TBC1D22B: variants seen among roughly 807,000 people sequenced by gnomAD.
TBC1D22B encodes chromosome 6 open reading frame 197.
TBC1D22B carries 32 observed loss-of-function variants against 69.1 expected under a neutral mutation model. That is an observed-to-expected ratio of 0.46 (90% CI 0.35 to 0.62). The LOEUF (loss-of-function observed/expected upper bound fraction) is 0.62, where lower values mean the gene tolerates loss of function less well. Ranked by LOEUF, TBC1D22B falls within the 20% of genes least tolerant of loss-of-function variation. The pLI is 0.00. For missense variants in TBC1D22B, 462 were observed against 630.9 expected (o/e 0.73, Z 2.87); for synonymous variants, 206 against 229.8 (o/e 0.90, Z 0.94).
At chr6:37,300,316 A>AT (rs958737412) in intron 8 of TBC1D22B, among the ~76,000 whole-genome samples, 3 of 151,474 alleles carry the variant, frequency 2.0e-5, no homozygotes, top group African/African-American at 4.8e-5. Context: ...CACAGCTTAG[A>AT]TTTTTTGAGT....
intron 12 of TBC1D22B, among the ~76,000 whole-genome samples, chr6:37,322,097 C>T (rs1332363090): frequency 6.6e-6 from 1 of 152,184 alleles, no homozygotes; most frequent in Non-Finnish European, 1.5e-5. Flanking sequence ...CCACCATGTA[C>T]AGTTGTGTAC....
At chr6:37,313,071 C>A in intron 9 of TBC1D22B, 47 bp downstream of exon 9, 1 of 1,441,824 alleles carries the variant, frequency 6.9e-7, no homozygotes, top group African/African-American at 1.4e-5. Flanking sequence ...GGTCCAGAGG[C>A]TCCCAGCAGG....
intron 1 of TBC1D22B, among the ~76,000 whole-genome samples, chr6:37,265,252 C>T (rs993417016): frequency 6.6e-6 from 1 of 152,210 alleles, no homozygotes; most frequent in African/African-American, 2.4e-5. Context: ...TTTTAAGATT[C>T]CTTTCCTAGA....
chr6:37,289,247 A>G (rs1767103887), intron 7 of TBC1D22B, among the ~76,000 whole-genome samples: 1 of 152,210 alleles, frequency 6.6e-6, no homozygotes, highest in Non-Finnish European at 1.5e-5. Context: ...CTGAATACGG[A>G]AAGGCTTGCT....
chr6:37,320,673 C>G (rs1768213223), intron 12 of TBC1D22B, among the ~76,000 whole-genome samples: 1 of 152,142 alleles, frequency 6.6e-6, no homozygotes, highest in African/African-American at 2.4e-5. Flanking sequence ...GACAAAAGCC[C>G]CCAGCAGGAA....
chr6:37,273,441 C>T (rs1414278692), intron 2 of TBC1D22B, among the ~76,000 whole-genome samples: 1 of 152,206 alleles, frequency 6.6e-6, no homozygotes, highest in Non-Finnish European at 1.5e-5. Context: ...TGATCAAGAT[C>T]ACCATACCTT....
intron 2 of TBC1D22B, among the ~76,000 whole-genome samples, chr6:37,273,170 C>T (rs528063651): frequency 7.4e-6 from 1 of 135,170 alleles, no homozygotes; most frequent in Admixed American, 7.9e-5. Flanking sequence ...GCAGCCGACT[C>T]GTAACCCCGA....
At chr6:37,322,748 G>A (rs572796230) in intron 12 of TBC1D22B, among the ~76,000 whole-genome samples, 2 of 152,360 alleles carry the variant, frequency 1.3e-5, no homozygotes, top group South Asian at 2.1e-4. Context: ...AACTGGTTGA[G>A]TGAGTTCTGT....
intron 12 of TBC1D22B, among the ~76,000 whole-genome samples, chr6:37,328,337 A>C (rs888327876): frequency 4.6e-5 from 7 of 152,150 alleles, no homozygotes; most frequent in African/African-American, 1.7e-4. Context: ...GATAAAAATA[A>C]AATGTTTATG....
intron 2 of TBC1D22B, among the ~76,000 whole-genome samples, chr6:37,272,182 A>G (rs1283715126): frequency 6.6e-6 from 1 of 151,894 alleles, no homozygotes; most frequent in East Asian, 1.9e-4. Context: ...CTCCCATCTC[A>G]GCCTCCTTAG....
intron 7 of TBC1D22B, among the ~76,000 whole-genome samples, chr6:37,288,112 A>G (rs1767062986): frequency 1.3e-5 from 2 of 152,206 alleles, no homozygotes; most frequent in South Asian, 2.1e-4. Context: ...AAAATGCTGA[A>G]AATAATTTCT....
At chr6:37,281,378 A>G (rs1583540414) in intron 3 of TBC1D22B, among the ~76,000 whole-genome samples, 2 of 152,048 alleles carry the variant, frequency 1.3e-5, no homozygotes, top group African/African-American at 4.8e-5. Context: ...CCCCCTACCC[A>G]CTATCTAGTG....
chr6:37,289,487 TG>T (rs1767110764), intron 7 of TBC1D22B, among the ~76,000 whole-genome samples: 1 of 152,218 alleles, frequency 6.6e-6, no homozygotes, highest in South Asian at 2.1e-4. Context: ...CATGTGAGTG[TG>T]TCTGTGTTGT....
rs551922853 is a variant in TBC1D22B at position 37,332,171 on chromosome 6, G to A, written c.*999G>A. On this transcript the variant is annotated 3_prime_UTR_variant, in exon 13 of 13. Coordinates refer to ENST00000373491, the MANE Select transcript of TBC1D22B (RefSeq NM_017772.4). ...GTTGGTTCTGGGTGTCCTGCTGTGAGGGGTAGAACGGGAGGCTGCTGAAGT... is the reference window on the plus strand; with the variant it reads ...GTTGGTTCTGGGTGTCCTGCTGTGAAGGGTAGAACGGGAGGCTGCTGAAGT... 53 of 152,684 alleles carry A rather than the reference G, an allele frequency of 3.5e-4. No homozygotes were observed. Among genetic ancestry groups the A allele is most frequent in the African/African-American group, 1.3e-3 (52 of 41,562 alleles). 9.5% of individuals were successfully genotyped at this position (152,684 alleles called of 1,614,324 possible).
chr6:37,257,789 C>G lies in TBC1D22B; in HGVS notation c.-129C>G. On this transcript the variant is annotated 5_prime_UTR_variant, in exon 1 of 13. Transcript: ENST00000373491. ...GGGTGCCCACATCCAAGATGGCGTC[C>G]CCAGGAGCTGGGAGCGGGTGACCGG... 9.9e-7 allele frequency: 1 copy of G among 1,008,600 alleles called. No homozygotes were observed. The highest frequency in any genetic ancestry group is 1.5e-6 in the Non-Finnish European group (1 of 678,980). 62.5% of individuals were successfully genotyped at this position (1,008,600 alleles called of 1,614,324 possible).
intron 1 of TBC1D22B, among the ~76,000 whole-genome samples, chr6:37,261,432 C>CAA (rs56999111): frequency 2.4e-4 from 18 of 75,908 alleles, no homozygotes; most frequent in Admixed American, 4.5e-4. Context: ...AGATTGTCTC[C>CAA]AAAAAAAAAA....
rs769836271 is a variant in TBC1D22B, at chr6:37,282,084, C to A, written c.422-101C>A. 3.6e-6 allele frequency: 5 copies of A among 1,383,716 alleles called. No individual in the cohort carries two copies. The East Asian group carries it at 6.9e-5, about 19-fold the overall frequency. The allele number at this position is 1,383,716 out of a possible 1,614,324, so 85.7% of individuals were successfully genotyped here. ...CAGACAGTGCACACAGGCAGCCACA[C>A]CCTTGGGGAGGAAACACAATGCTGA... On this transcript the variant is annotated intron_variant, in intron 3 of 12. Coordinates refer to ENST00000373491, the MANE Select transcript of TBC1D22B (RefSeq NM_017772.4).
intron 8 of TBC1D22B, among the ~76,000 whole-genome samples, chr6:37,310,620 A>G (rs1295135572): frequency 6.6e-6 from 1 of 152,258 alleles, no homozygotes; most frequent in Non-Finnish European, 1.5e-5. Context: ...GTGAGCTGAG[A>G]TCGTGCCATT....
chr6:37,323,308 G>A (rs1243460182), intron 12 of TBC1D22B, among the ~76,000 whole-genome samples: 1 of 152,114 alleles, frequency 6.6e-6, no homozygotes, highest in African/African-American at 2.4e-5. Flanking sequence ...CAGGAGGATC[G>A]CTTGAGCCCA....
Sources: gnomAD v4.1 joint callset for allele counts (sites outside exome capture counted in the v4.1 genomes callset) on GRCh38, gnomAD v4.1.1 for gene constraint, MANE v1.5 for transcripts, NCBI Gene and HGNC (gene_info 2026-07-23, HGNC 2026-07-21) for gene names.